Variants in CREBRF observed in about 807,000 individuals in gnomAD.
The protein encoded by CREBRF is UPF0474 protein C5orf41.
CREBRF carries 5 observed loss-of-function variants against 66.1 expected under a neutral mutation model. That is an observed-to-expected ratio of 0.08 (90% CI 0.04 to 0.16). The LOEUF is 0.16. Among genes scored for constraint, CREBRF ranks in the 10% least tolerant of loss-of-function variants. The pLI is 1.00. For synonymous variants in CREBRF, 229 were observed against 264.4 expected (o/e 0.87, Z 1.30); for missense variants, 531 against 744.9 (o/e 0.71, Z 3.34).
intron 1 of CREBRF, chr5:173,057,784 C>G (rs1757119183): frequency 6.6e-6 from 1 of 150,750 alleles, no homozygotes; most frequent in South Asian, 2.1e-4. Flanking sequence ...CTAGAAAAGC[C>G]GAGCAAGTTG....
chr5:173,091,124 G>C lies in CREBRF; in HGVS notation c.945G>C (p.Glu315Asp). The C allele has an allele frequency of 6.2e-7, 1 of 1,614,228 alleles. No homozygotes were observed. Among genetic ancestry groups the C allele is most frequent in the Non-Finnish European group, 8.5e-7 (1 of 1,180,040 alleles). ...QEGPGSLAAGESSSLSASTSV... is the reference protein window; with the variant it reads ...QEGPGSLAAGDSSSLSASTSV... The stretch of plus-strand genomic sequence containing the variant: ...GTCCTGGGTCACTTGCAGCAGGAGA[G>C]AGCAGCAGTCTTTCTGCCAGTACAT... The change falls in exon 4 of 9, where the codon GAG (glutamate) becomes GAC (aspartate). Residue 315 changes from glutamate to aspartate, a missense_variant. Physicochemically the swap from Glu to Asp is conservative, Grantham distance 45. Coordinates refer to ENST00000296953, the MANE Select transcript of CREBRF (RefSeq NM_153607.3).
At chr5:173,060,913 C>T (rs1225804957) in intron 1 of CREBRF, among the ~76,000 whole-genome samples, 1 of 152,128 alleles carries the variant, frequency 6.6e-6, no homozygotes, top group African/African-American at 2.4e-5. Context: ...TCTATTTGTG[C>T]TTCCACGGCT....
At chr5:173,097,539 C>T (rs1758508419) in intron 4 of CREBRF, among the ~76,000 whole-genome samples, 1 of 152,188 alleles carries the variant, frequency 6.6e-6, no homozygotes, top group Admixed American at 6.5e-5. Flanking sequence ...GCCCTCGTGC[C>T]TGGCCGACAG....
chr5:173,071,723 C>T lies in CREBRF; in HGVS notation c.-191-8862C>T, dbSNP rs568469821. On this transcript the variant is annotated intron_variant, in intron 1 of 8. Transcript: ENST00000296953. ...ACTTTGGAGCACAGTGTTAATATGA[C>T]GTGTGGTAGGTTAGAAAGAATAATT... is the stretch of plus-strand genomic sequence containing the variant. Among the ~76,000 whole-genome samples the T allele has an allele frequency of 1.3e-4, 20 of 151,878 alleles. 1 individual carries two copies. The highest frequency in any genetic ancestry group is 4.3e-4 in the South Asian group (2 of 4,692).
chr5:173,112,013 AT>A (rs1758881792), intron 6 of CREBRF, among the ~76,000 whole-genome samples: 1 of 152,152 alleles, frequency 6.6e-6, no homozygotes, highest in African/African-American at 2.4e-5. Flanking sequence ...TGCATAAATG[AT>A]TATGTTGTGT....
chr5:173,059,747 T>C (rs539679892), intron 1 of CREBRF, among the ~76,000 whole-genome samples: 1 of 152,372 alleles, frequency 6.6e-6, no homozygotes, highest in Admixed American at 6.5e-5. Flanking sequence ...GCATTGCTTA[T>C]ATAATGCTCT....
intron 1 of CREBRF, among the ~76,000 whole-genome samples, chr5:173,067,743 A>G (rs550304461): frequency 5.9e-5 from 9 of 152,200 alleles, no homozygotes; most frequent in Non-Finnish European, 1.3e-4. Flanking sequence ...CACACCTGTA[A>G]TCCCAGCACT....
intron 1 of CREBRF, among the ~76,000 whole-genome samples, chr5:173,070,784 G>A (rs1757575721): frequency 6.6e-6 from 1 of 152,088 alleles, no homozygotes; most frequent in Non-Finnish European, 1.5e-5. Flanking sequence ...CATAAACGAT[G>A]CTCAATAAAT....
intron 4 of CREBRF, among the ~76,000 whole-genome samples, chr5:173,093,885 A>C (rs899899879): frequency 2.6e-5 from 4 of 152,144 alleles, no homozygotes; most frequent in Admixed American, 2.6e-4. Context: ...TGCATAACTG[A>C]AACTTTGTAC....
intron 4 of CREBRF, among the ~76,000 whole-genome samples, chr5:173,092,605 A>G (rs72816119): frequency 0.087 from 13,306 of 152,174 alleles, 767 homozygotes; most frequent in South Asian, 0.16. Context: ...TTAAAAAAAA[A>G]CTATCAAAGA....
At chr5:173,087,910 G>T (rs1012262196) in intron 3 of CREBRF, among the ~76,000 whole-genome samples, 4 of 151,210 alleles carry the variant, frequency 2.6e-5, no homozygotes, top group Non-Finnish European at 5.9e-5. Context: ...TGCAACCTCC[G>T]CCTCCCAGGC....
At chr5:173,132,630 A>C (rs1401154763) in intron 8 of CREBRF, among the ~76,000 whole-genome samples, 4 of 92,580 alleles carry the variant, frequency 4.3e-5, no homozygotes, top group African/African-American at 4.3e-5. Context: ...GCAGAGTTTC[A>C]CTCTTGTTGC....
intron 4 of CREBRF, among the ~76,000 whole-genome samples, chr5:173,105,360 TG>T (rs1168630917): frequency 6.6e-6 from 1 of 151,872 alleles, no homozygotes; most frequent in Non-Finnish European, 1.5e-5. Context: ...GATAGGAAGG[TG>T]GGAGTGTTTT....
intron 3 of CREBRF, among the ~76,000 whole-genome samples, chr5:173,089,905 T>C (rs1758277939): frequency 6.6e-6 from 1 of 152,096 alleles, no homozygotes; most frequent in Non-Finnish European, 1.5e-5. Context: ...CTCTCACTTA[T>C]CACATTGTTT....
chr5:173,130,919 C>A (rs766258474), intron 8 of CREBRF, among the ~76,000 whole-genome samples: 1 of 152,168 alleles, frequency 6.6e-6, no homozygotes, highest in Non-Finnish European at 1.5e-5. Context: ...GTTGGCCAGG[C>A]TGGTCTCAAA....
At chr5:173,102,935 A>G (rs1227703305) in intron 4 of CREBRF, among the ~76,000 whole-genome samples, 1 of 152,122 alleles carries the variant, frequency 6.6e-6, no homozygotes, top group Non-Finnish European at 1.5e-5. Flanking sequence ...TTCATCCTTG[A>G]TCTCTTGACT....
chr5:173,064,997 C>T (rs1482417584), intron 1 of CREBRF, among the ~76,000 whole-genome samples: 3 of 152,220 alleles, frequency 2.0e-5, no homozygotes, highest in African/African-American at 7.2e-5. Flanking sequence ...GTGTGAGCCA[C>T]TGTACCTAGC....
Position 173,123,140 on chromosome 5 carries a change from C to T in CREBRF, c.1742C>T (p.Pro581Leu). 6.2e-7 allele frequency: 1 copy of T among 1,605,422 alleles called. No individual in the cohort carries two copies. Residue 581 changes from proline (P) to leucine (L), a missense_variant, in exon 8 of 9, where the codon CCA becomes CTA. Coordinates refer to ENST00000296953, the MANE Select transcript of CREBRF (RefSeq NM_153607.3). Reference protein sequence around the residue: ...KQEIVNRVQNPRDERGPNMGQ... With the variant: ...KQEIVNRVQNLRDERGPNMGQ... ...GAGATTGTAAACCGGGTACAGAATCCAAGAGATGAGAGAGGACCCAACATG... is the reference window on the plus strand; with the variant it reads ...GAGATTGTAAACCGGGTACAGAATCTAAGAGATGAGAGAGGACCCAACATG...
At chr5:173,068,503 A>G (rs1427781464) in intron 1 of CREBRF, among the ~76,000 whole-genome samples, 1 of 152,220 alleles carries the variant, frequency 6.6e-6, no homozygotes, top group East Asian at 1.9e-4. Flanking sequence ...GTGATAAATT[A>G]TATGTAATTG....
Sources: allele counts gnomAD v4.1 joint callset (sites outside exome capture counted in the v4.1 genomes callset), GRCh38; gene constraint gnomAD v4.1.1; transcripts MANE v1.5; gene names NCBI Gene and HGNC (gene_info 2026-07-23, HGNC 2026-07-21).